PALLD: variants seen among roughly 807,000 people sequenced by gnomAD.
PALLD encodes palladin.
Under a neutral mutation model 123.5 loss-of-function variants are expected in PALLD, and 61 were observed. The ratio of observed to expected loss-of-function variants is 0.49; its 90% CI spans 0.40 to 0.61. The LOEUF (loss-of-function observed/expected upper bound fraction) is 0.61. Among genes scored for constraint, PALLD ranks in the 20% least tolerant of loss-of-function variants. The pLI is 0.00. For missense variants in PALLD, 1,273 were observed against 1,377.0 expected (o/e 0.92, Z 1.20); for synonymous variants, 465 against 496.4 (o/e 0.94, Z 0.84).
intron 8 of PALLD, chr4:168,700,188 T>A (rs1783542927): frequency 6.4e-6 from 1 of 156,416 alleles, no homozygotes; most frequent in Non-Finnish European, 1.4e-5. Flanking sequence ...CACTGTTGGA[T>A]GAACTTTTCT....
At position 168,693,727 on chromosome 4, in the gene PALLD, G is replaced by A. The variant is rs191304499; in HGVS notation, c.1501+2435G>A. On this transcript the variant is annotated intron_variant, in intron 8 of 21. Coordinates refer to ENST00000505667, the MANE Select transcript of PALLD (RefSeq NM_001166108.2). ...GAGCTATTAAAAACTAACACAATGAGTTTTCCTGACCTACGATGATTTCTC... is the reference window on the plus strand; with the variant it reads ...GAGCTATTAAAAACTAACACAATGAATTTTCCTGACCTACGATGATTTCTC... Among the ~76,000 whole-genome samples the A allele has an allele frequency of 3.1e-3, 472 of 152,250 alleles. 1 individual carries two copies. The highest frequency in any genetic ancestry group is 0.017 in the Middle Eastern group (5 of 294).
At chr4:168,638,818 T>C (rs1375863241) in intron 2 of PALLD, among the ~76,000 whole-genome samples, 2 of 151,910 alleles carry the variant, frequency 1.3e-5, no homozygotes, top group Non-Finnish European at 2.9e-5. Flanking sequence ...ACCATATGAA[T>C]TTGGGAGGGG....
At chr4:168,741,255 T>C (rs896321264) in intron 10 of PALLD, among the ~76,000 whole-genome samples, 10 of 152,332 alleles carry the variant, frequency 6.6e-5, no homozygotes, top group Admixed American at 5.9e-4. Flanking sequence ...TATTCTTATT[T>C]GTCTTCATCG....
chr4:168,843,101 A>G (rs1386940559), intron 10 of PALLD, among the ~76,000 whole-genome samples: 4 of 152,236 alleles, frequency 2.6e-5, no homozygotes, highest in Admixed American at 1.3e-4. Context: ...TTTGCCAGAA[A>G]GGAATTCTAA....
At chr4:168,718,776 C>T (rs913294257) in intron 10 of PALLD, among the ~76,000 whole-genome samples, 1 of 152,066 alleles carries the variant, frequency 6.6e-6, no homozygotes, top group African/African-American at 2.4e-5. Flanking sequence ...TGTTCTGCAC[C>T]ATGCCTTTTC....
At chr4:168,856,854 G>A (rs1219139296) in intron 10 of PALLD, among the ~76,000 whole-genome samples, 1 of 152,172 alleles carries the variant, frequency 6.6e-6, no homozygotes, top group Admixed American at 6.5e-5. Context: ...AGGATGGAAG[G>A]GTCCTTTGGA....
At position 168,894,666 on chromosome 4, in the gene PALLD, A is replaced by G; in HGVS notation, c.2188A>G (p.Thr730Ala). Residue 730 changes from threonine to alanine, a missense_variant, in exon 12 of 22, where the codon ACA becomes GCA. This residue lies in a region of PALLD where 944 missense variants were observed against 954.5 expected (regional missense o/e 0.99). Coordinates refer to ENST00000505667, the MANE Select transcript of PALLD (RefSeq NM_001166108.2). ...VFNIQEPEEE[T>A]ANQDIGSPHA... is the part of the protein sequence containing the mutation. ...TAATATTCAGGAGCCAGAAGAGGAA[A>G]CAGCTAATCAGGTACCATGTTGCTC... is the stretch of plus-strand genomic sequence containing the variant. 6.2e-7 allele frequency: 1 copy of G among 1,613,460 alleles called. No homozygotes were observed. The highest frequency in any genetic ancestry group is 8.5e-7 in the Non-Finnish European group (1 of 1,179,548).
chr4:168,657,301 T>A (rs1778679259), intron 2 of PALLD, among the ~76,000 whole-genome samples: 1 of 152,242 alleles, frequency 6.6e-6, no homozygotes, highest in African/African-American at 2.4e-5. Flanking sequence ...AACCCAGTGC[T>A]TGGTAAACCT....
chr4:168,509,531 T>G (rs1273108343), intron 1 of PALLD, among the ~76,000 whole-genome samples: 1 of 152,226 alleles, frequency 6.6e-6, no homozygotes, highest in Non-Finnish European at 1.5e-5. Context: ...GAGCCATATC[T>G]GAATAACTGG....
At chr4:168,898,451 AGAAGGGATTG>A in intron 13 of PALLD, 32 bp from the exon 14 acceptor site, 1 of 1,277,394 alleles carries the variant, frequency 7.8e-7, no homozygotes, top group Non-Finnish European at 1.1e-6. Flanking sequence ...ACACTTTGTC[AGAAGGGATTG>A]AGTCTGCTAA....
At chr4:168,586,078 TA>T (rs1440819470) in intron 2 of PALLD, among the ~76,000 whole-genome samples, 1 of 151,656 alleles carries the variant, frequency 6.6e-6, no homozygotes, top group Non-Finnish European at 1.5e-5. Flanking sequence ...GAGAAATTTT[TA>T]TTTAGCCAGA....
intron 10 of PALLD, among the ~76,000 whole-genome samples, chr4:168,752,645 C>T (rs1222683080): frequency 6.6e-6 from 1 of 152,154 alleles, no homozygotes; most frequent in African/African-American, 2.4e-5. Flanking sequence ...TCTGTTTCCA[C>T]AGAGAACATT....
chr4:168,903,441 C>A (rs1402726688), intron 14 of PALLD, among the ~76,000 whole-genome samples: 1 of 152,008 alleles, frequency 6.6e-6, no homozygotes. Flanking sequence ...TCTATGAATG[C>A]CATGAAGTAA....
intron 2 of PALLD, among the ~76,000 whole-genome samples, chr4:168,556,630 T>C (rs1767334777): frequency 6.6e-6 from 1 of 152,230 alleles, no homozygotes; most frequent in Admixed American, 6.5e-5. Context: ...CTGGGACTCT[T>C]ACCCTGTGTT....
At chr4:168,745,766 A>G (rs920630624) in intron 10 of PALLD, among the ~76,000 whole-genome samples, 3 of 151,780 alleles carry the variant, frequency 2.0e-5, no homozygotes, top group African/African-American at 7.3e-5. Context: ...CTAAGTGACC[A>G]TTTTGGTGGA....
At chr4:168,827,958 G>A (rs1037212266) in intron 10 of PALLD, among the ~76,000 whole-genome samples, 5 of 152,106 alleles carry the variant, frequency 3.3e-5, no homozygotes, top group Non-Finnish European at 5.9e-5. Context: ...GGAGAATCGC[G>A]TGAACCCGGG....
intron 10 of PALLD, among the ~76,000 whole-genome samples, chr4:168,794,320 G>A (rs1738088034): frequency 6.6e-6 from 1 of 152,178 alleles, no homozygotes; most frequent in Non-Finnish European, 1.5e-5. Context: ...ACTTACTCAG[G>A]CCCTCTAAGG....
At chr4:168,728,886 C>G (rs1429369145) in intron 10 of PALLD, among the ~76,000 whole-genome samples, 3 of 152,194 alleles carry the variant, frequency 2.0e-5, no homozygotes, top group East Asian at 3.9e-4. Flanking sequence ...GCCCCAAGGT[C>G]CACTGTATCA....
chr4:168,770,845 G>T (rs913393181), intron 10 of PALLD, among the ~76,000 whole-genome samples: 5 of 152,110 alleles, frequency 3.3e-5, no homozygotes, highest in African/African-American at 1.2e-4. Flanking sequence ...GATCACTTAA[G>T]GCCAGGAGTT....
Sources: gnomAD v4.1 joint callset for allele counts (sites outside exome capture counted in the v4.1 genomes callset) on GRCh38, gnomAD v4.1.1 for gene constraint, gnomAD v4.1.1 regional missense constraint, MANE v1.5 for transcripts, NCBI Gene and HGNC (gene_info 2026-07-23, HGNC 2026-07-21) for gene names.